ATP2B1: variants seen among roughly 807,000 people sequenced by gnomAD.
The protein encoded by ATP2B1 is ATPase plasma membrane Ca2+ transporting 1, also known as plasma membrane calcium-transporting ATPase 1.
ATP2B1 carries 14 observed loss-of-function variants against 124.2 expected under a neutral mutation model. The observed-to-expected ratio is 0.11, with a 90% CI of 0.07 to 0.18. The LOEUF (loss-of-function observed/expected upper bound fraction) is 0.18. Ranked by LOEUF, ATP2B1 falls within the 10% of genes least tolerant of loss-of-function variation. The pLI is 1.00. For synonymous variants in ATP2B1, 449 were observed against 492.4 expected (o/e 0.91, Z 1.17); for missense variants, 763 against 1,466.1 (o/e 0.52, Z 7.83).
At chr12:89,606,452 T>C (rs959849675) in intron 15 of ATP2B1, among the ~76,000 whole-genome samples, 2 of 152,228 alleles carry the variant, frequency 1.3e-5, no homozygotes, top group Admixed American at 1.3e-4. Context: ...ACGCATACAT[T>C]GTTTTGATAA....
At chr12:89,645,403 T>C (rs2136274255) in intron 2 of ATP2B1, among the ~76,000 whole-genome samples, 1 of 152,340 alleles carries the variant, frequency 6.6e-6, no homozygotes, top group South Asian at 2.1e-4. Flanking sequence ...TTCTACATGC[T>C]GAGGAGTCAG....
rs566376350 is a variant in ATP2B1 at position 89,669,655 on chromosome 12, A to C, written c.-221-13548T>G. Among the ~76,000 whole-genome samples, 4 of 152,332 alleles carry C rather than the reference A, an allele frequency of 2.6e-5. No individual in the cohort carries two copies. The East Asian group carries it at 7.7e-4, about 29-fold the overall frequency. The stretch of plus-strand genomic sequence containing the variant: ...CAATGTCTTAGAGCTAGGGCCTGGC[A>C]CTTAATAAAAAACAGTCATGAACTG... On this transcript the variant is annotated intron_variant, in intron 1 of 20. Transcript: ENST00000428670.
intron 2 of ATP2B1, among the ~76,000 whole-genome samples, chr12:89,655,013 C>A (rs760952705): frequency 3.3e-5 from 5 of 151,998 alleles, no homozygotes; most frequent in Non-Finnish European, 7.4e-5. Flanking sequence ...TTTCAAAGAC[C>A]ATAATGCCAG....
chr12:89,610,853 CAG>C (rs749977153), intron 13 of ATP2B1: 4 of 343,884 alleles, frequency 1.2e-5, no homozygotes, highest in African/African-American at 4.3e-5. Flanking sequence ...ATAAGAAGTT[CAG>C]AGAGTTTGGG....
At chr12:89,650,661 C>G (rs1885125059) in intron 2 of ATP2B1, among the ~76,000 whole-genome samples, 1 of 152,148 alleles carries the variant, frequency 6.6e-6, no homozygotes, top group African/African-American at 2.4e-5. Context: ...CACTTGGCAC[C>G]TGCCTTTAAT....
chr12:89,595,581 A>G (rs537383688), intron 20 of ATP2B1, among the ~76,000 whole-genome samples: 39 of 152,240 alleles, frequency 2.6e-4, no homozygotes, highest in African/African-American at 7.9e-4. Context: ...TAAGGGTTAA[A>G]TAATTTTGAC....
At chr12:89,677,093 A>G (rs967834707) in intron 1 of ATP2B1, among the ~76,000 whole-genome samples, 48 of 152,156 alleles carry the variant, frequency 3.2e-4, no homozygotes, top group East Asian at 1.9e-4. Context: ...GCATTTCGCA[A>G]TTTTAAAGAT....
chr12:89,670,394 C>T (rs1199205476), intron 1 of ATP2B1, among the ~76,000 whole-genome samples: 9 of 144,594 alleles, frequency 6.2e-5, no homozygotes, highest in Non-Finnish European at 1.4e-4. Flanking sequence ...TCAATTGTTA[C>T]GCATTCTGAC....
chr12:89,672,964 TTAGCTGAATTTAC>T (rs1233981276), intron 1 of ATP2B1, among the ~76,000 whole-genome samples: 1 of 152,256 alleles, frequency 6.6e-6, no homozygotes, highest in Non-Finnish European at 1.5e-5. Context: ...TTGTTTCCAC[TTAGCTGAATTTAC>T]AAAACTATAA....
chr12:89,678,473 G>A (rs1888943938), intron 1 of ATP2B1, among the ~76,000 whole-genome samples: 1 of 152,032 alleles, frequency 6.6e-6, no homozygotes, highest in African/African-American at 2.4e-5. Context: ...GATCTCTTTG[G>A]CTCCTTGAGT....
At chr12:89,622,679 T>C (rs118146639) in intron 9 of ATP2B1, among the ~76,000 whole-genome samples, 2,484 of 152,276 alleles carry the variant, frequency 0.016, 34 homozygotes, top group Non-Finnish European at 0.025. Flanking sequence ...GTGATTTACA[T>C]ATTAAAGATT....
intron 15 of ATP2B1, among the ~76,000 whole-genome samples, chr12:89,607,317 C>A (rs150728563): frequency 6.6e-6 from 1 of 152,278 alleles, no homozygotes; most frequent in East Asian, 1.9e-4. Context: ...GTACATAATT[C>A]GCTGATGAAT....
At chr12:89,655,500 T>G in intron 2 of ATP2B1, 179 bp downstream of exon 2, 1 of 627,032 alleles carries the variant, frequency 1.6e-6, no homozygotes, top group East Asian at 2.8e-5. Flanking sequence ...TTTGCAACAT[T>G]TATGTGTTAA....
chr12:89,707,177 A>G (rs993478279), intron 1 of ATP2B1, among the ~76,000 whole-genome samples: 3 of 152,076 alleles, frequency 2.0e-5, no homozygotes, highest in African/African-American at 7.2e-5. Context: ...GCCACACACA[A>G]GGACAGGGAG....
chr12:89,687,907 A>C (rs1304638016), intron 1 of ATP2B1, among the ~76,000 whole-genome samples: 2 of 152,106 alleles, frequency 1.3e-5, no homozygotes, highest in Non-Finnish European at 2.9e-5. Flanking sequence ...CAGTATGTGC[A>C]ATATCACCTT....
intron 3 of ATP2B1, among the ~76,000 whole-genome samples, chr12:89,638,311 T>C (rs1361160427): frequency 6.6e-6 from 1 of 152,180 alleles, no homozygotes; most frequent in East Asian, 1.9e-4. Flanking sequence ...AAGGCAAATA[T>C]TCCATTTTAA....
At chr12:89,638,477 T>C (rs529470869) in intron 3 of ATP2B1, among the ~76,000 whole-genome samples, 2 of 152,320 alleles carry the variant, frequency 1.3e-5, no homozygotes, top group South Asian at 4.1e-4. Flanking sequence ...CATTAATGTG[T>C]AACATAATTT....
Sources: gnomAD v4.1 joint callset for allele counts (sites outside exome capture counted in the v4.1 genomes callset) on GRCh38, gnomAD v4.1.1 for gene constraint, MANE v1.5 for transcripts, NCBI Gene and HGNC (gene_info 2026-07-23, HGNC 2026-07-21) for gene names.